SLC39A11: variants seen among roughly 807,000 people sequenced by gnomAD.
The protein encoded by SLC39A11 is solute carrier family 39 member 11, also known as zinc transporter ZIP11.
Under a neutral mutation model 36.1 loss-of-function variants are expected in SLC39A11, and 33 were observed. That is an observed-to-expected ratio of 0.91 (90% CI 0.69 to 1.22). SLC39A11 has a LOEUF of 1.22. Among genes scored for constraint, SLC39A11 ranks in the 50% most tolerant of loss-of-function variants. The pLI is 0.00. For synonymous variants in SLC39A11, 166 were observed against 170.3 expected, an observed-to-expected ratio of 0.97 and a Z score of 0.20; for missense variants, 432 against 430.3, an observed-to-expected ratio of 1.00 and a Z score of -0.03.
chr17:72,837,494 G>C (rs1211159201), intron 6 of SLC39A11, among the ~76,000 whole-genome samples: 4 of 151,168 alleles, frequency 2.6e-5, no homozygotes, highest in South Asian at 4.2e-4. Flanking sequence ...TTAACAAAAA[G>C]AACTGGCTTC....
chr17:72,682,222 A>T (rs1295546599), intron 7 of SLC39A11, among the ~76,000 whole-genome samples: 1 of 152,154 alleles, frequency 6.6e-6, no homozygotes, highest in Non-Finnish European at 1.5e-5. Flanking sequence ...ATTTCATTAC[A>T]TATTACAATG....
chr17:72,919,338 C>A (rs1416244296), intron 5 of SLC39A11, among the ~76,000 whole-genome samples: 1 of 151,962 alleles, frequency 6.6e-6, no homozygotes, highest in South Asian at 2.1e-4. Context: ...AATAACCAAG[C>A]AAACCACTTT....
At chr17:72,693,546 T>C (rs1241105199) in intron 7 of SLC39A11, among the ~76,000 whole-genome samples, 2 of 152,190 alleles carry the variant, frequency 1.3e-5, no homozygotes, top group East Asian at 3.9e-4. Context: ...GGTCGCACAA[T>C]AGTAAGCATC....
intron 4 of SLC39A11, among the ~76,000 whole-genome samples, chr17:73,014,729 C>T (rs1212850964): frequency 6.6e-6 from 1 of 152,244 alleles, no homozygotes; most frequent in Non-Finnish European, 1.5e-5. Context: ...AGAGGGCCAG[C>T]TTTTGAGGCC....
rs537547083 is a variant in SLC39A11, at chr17:73,054,322, T to G, written c.148-22608A>C. Among the ~76,000 whole-genome samples the G allele has an allele frequency of 2.0e-5, 3 of 149,298 alleles. No homozygotes were observed. In the East Asian group the frequency reaches 6.0e-4, roughly 30 times the overall value. Reference sequence around the variant, plus strand: ...GGTTGCAGTGAGCCAAGATCGCCACTGCACTCCAGCCTGGGAGCTGGACCA... The same window carrying G: ...GGTTGCAGTGAGCCAAGATCGCCACGGCACTCCAGCCTGGGAGCTGGACCA... On this transcript the variant is annotated intron_variant, in intron 3 of 9. Coordinates refer to ENST00000255559, the MANE Select transcript of SLC39A11 (RefSeq NM_139177.4).
intron 5 of SLC39A11, among the ~76,000 whole-genome samples, chr17:72,946,646 T>G (rs2147705034): frequency 6.6e-6 from 1 of 152,298 alleles, no homozygotes; most frequent in East Asian, 1.9e-4. Context: ...GGGCCCATTC[T>G]CCACAGCATC....
At chr17:72,790,681 G>A (rs12947610) in intron 6 of SLC39A11, among the ~76,000 whole-genome samples, 88,504 of 151,612 alleles carry the variant, frequency 0.58, 27,076 homozygotes, top group Non-Finnish European at 0.69. Context: ...ACAGGCATGT[G>A]CCACCACACC....
intron 3 of SLC39A11, among the ~76,000 whole-genome samples, chr17:73,046,664 C>T (rs541115369): frequency 7.9e-5 from 12 of 152,222 alleles, no homozygotes; most frequent in African/African-American, 2.6e-4. Context: ...GAAGGTAATA[C>T]AGGCCTAGCA....
chr17:72,794,779 G>C (rs2076837634), intron 6 of SLC39A11, among the ~76,000 whole-genome samples: 1 of 151,930 alleles, frequency 6.6e-6, no homozygotes, highest in Non-Finnish European at 1.5e-5. Flanking sequence ...CCTCCTCTCT[G>C]CCCCTCTGAA....
chr17:72,680,881 T>C (rs566979733), intron 7 of SLC39A11, among the ~76,000 whole-genome samples: 1 of 152,338 alleles, frequency 6.6e-6, no homozygotes, highest in South Asian at 2.1e-4. Context: ...ATTTGGGTTG[T>C]TTCTACCTTC....
chr17:72,661,335 G>A (rs2070408470), intron 7 of SLC39A11, among the ~76,000 whole-genome samples: 1 of 152,048 alleles, frequency 6.6e-6, no homozygotes, highest in South Asian at 2.1e-4. Flanking sequence ...ACGCTCTCAG[G>A]AGAGGTAGTG....
intron 7 of SLC39A11, among the ~76,000 whole-genome samples, chr17:72,676,070 TCA>T (rs3222866): frequency 0.28 from 36,394 of 129,846 alleles, 4,591 homozygotes; most frequent in South Asian, 0.32. Flanking sequence ...TCACAATGTT[TCA>T]CACACACACA....
At chr17:73,076,460 T>C (rs780603564) in intron 3 of SLC39A11, among the ~76,000 whole-genome samples, 8 of 152,356 alleles carry the variant, frequency 5.3e-5, no homozygotes, top group South Asian at 2.1e-4. Context: ...TGCAGCATTA[T>C]ATTACAGATG....
chr17:73,028,549 ATT>A (rs1033337300), intron 4 of SLC39A11, among the ~76,000 whole-genome samples: 1 of 152,136 alleles, frequency 6.6e-6, no homozygotes, highest in African/African-American at 2.4e-5. Flanking sequence ...TCTAAGACAA[ATT>A]CCCCCTCTCA....
intron 6 of SLC39A11, among the ~76,000 whole-genome samples, chr17:72,841,548 G>A (rs960524310): frequency 2.0e-5 from 3 of 152,168 alleles, no homozygotes; most frequent in Non-Finnish European, 4.4e-5. Context: ...ACCAGAGGCT[G>A]GGAAGGGCAG....
chr17:73,006,660 AC>A (rs2090194986), intron 4 of SLC39A11, among the ~76,000 whole-genome samples: 1 of 151,870 alleles, frequency 6.6e-6, no homozygotes, highest in African/African-American at 2.4e-5. Flanking sequence ...AAACACACAC[AC>A]ACACACACAC....
chr17:72,727,878 CCA>C (rs2073997196), intron 7 of SLC39A11, among the ~76,000 whole-genome samples: 1 of 152,104 alleles, frequency 6.6e-6, no homozygotes, highest in Non-Finnish European at 1.5e-5. Flanking sequence ...ATGGCAGCAG[CCA>C]CACACACATG....
rs115534702 is a variant in SLC39A11 at position 72,897,147 on chromosome 17, G to A, written c.431-47343C>T. On this transcript the variant is annotated intron_variant, in intron 5 of 9. Transcript: ENST00000255559. ...ACAGAAATTTGGAAAGGACCAGGAA[G>A]CATGGAAACCAATTTGGGAGCTCCT... 7.7e-3 allele frequency among the ~76,000 whole-genome samples: 1,161 copies of A among 151,646 alleles called. 12 individuals are homozygous for A. Among genetic ancestry groups the A allele is most frequent in the African/African-American group, 0.026 (1,088 of 41,250 alleles).
chr17:72,693,495 T>C (rs2072132853), intron 7 of SLC39A11, among the ~76,000 whole-genome samples: 2 of 152,210 alleles, frequency 1.3e-5, no homozygotes, highest in African/African-American at 4.8e-5. Context: ...TTAAAATGTT[T>C]TACTTAAAAA....
Sources: allele counts gnomAD v4.1 joint callset (sites outside exome capture counted in the v4.1 genomes callset), GRCh38; gene constraint gnomAD v4.1.1; transcripts MANE v1.5; gene names NCBI Gene and HGNC (gene_info 2026-07-23, HGNC 2026-07-21).